DGKB: variants seen among roughly 807,000 people sequenced by gnomAD.
DGKB encodes the protein diacylglycerol kinase beta.
DGKB carries 67 observed loss-of-function variants against 114.3 expected under a neutral mutation model. The observed-to-expected ratio is 0.59, with a 90% CI of 0.48 to 0.72. The LOEUF is 0.72. DGKB is among the 30% of genes least tolerant of loss of function. The pLI is 0.00. For missense variants in DGKB, 907 were observed against 975.2 expected (o/e 0.93, Z 0.93); for synonymous variants, 398 against 323.1 (o/e 1.23, Z -2.49).
intron 21 of DGKB, among the ~76,000 whole-genome samples, chr7:14,412,775 A>C (rs1353070126): frequency 6.6e-6 from 1 of 152,094 alleles, no homozygotes; most frequent in Non-Finnish European, 1.5e-5. Flanking sequence ...TGAGGTCAGG[A>C]GTTCGAGACC....
chr7:14,271,417 C>A (rs1234284531), intron 23 of DGKB, among the ~76,000 whole-genome samples: 2 of 152,130 alleles, frequency 1.3e-5, no homozygotes, highest in African/African-American at 4.8e-5. Context: ...TGAGCCTGAG[C>A]CAATTAGTCA....
At chr7:14,812,072 T>C (rs1843518219) in intron 2 of DGKB, among the ~76,000 whole-genome samples, 1 of 152,168 alleles carries the variant, frequency 6.6e-6, no homozygotes, top group South Asian at 2.1e-4. Context: ...TTGTTTCACT[T>C]AGCATAAGGT....
At chr7:14,701,399 C>A (rs1825145438) in intron 7 of DGKB, among the ~76,000 whole-genome samples, 1 of 152,172 alleles carries the variant, frequency 6.6e-6, no homozygotes, top group Non-Finnish European at 1.5e-5. Context: ...TTTATTCAGA[C>A]AAGGCTGGTG....
At chr7:14,788,063 T>A (rs979152831) in intron 2 of DGKB, among the ~76,000 whole-genome samples, 2 of 152,182 alleles carry the variant, frequency 1.3e-5, no homozygotes, top group African/African-American at 4.8e-5. Flanking sequence ...AGCATCCCAT[T>A]GAGTAACAAG....
chr7:14,327,654 T>G (rs904029760), intron 23 of DGKB, among the ~76,000 whole-genome samples: 2 of 152,112 alleles, frequency 1.3e-5, no homozygotes, highest in African/African-American at 2.4e-5. Context: ...AGCATTTTCC[T>G]ACTTTTAGAC....
At chr7:14,820,388 C>T (rs189487884) in intron 2 of DGKB, among the ~76,000 whole-genome samples, 81 of 152,142 alleles carry the variant, frequency 5.3e-4, no homozygotes, top group Non-Finnish European at 5.9e-4. Flanking sequence ...ATTGTTTAAA[C>T]GCTATAGTAT....
intron 22 of DGKB, among the ~76,000 whole-genome samples, chr7:14,342,294 A>G (rs2217570): frequency 5.3e-5 from 8 of 151,874 alleles, no homozygotes; most frequent in African/African-American, 1.7e-4. Context: ...TGAAATATCT[A>G]TAGAATAGGC....
chr7:14,428,531 C>G (rs1304901341), intron 21 of DGKB, among the ~76,000 whole-genome samples: 1 of 152,136 alleles, frequency 6.6e-6, no homozygotes, highest in East Asian at 1.9e-4. Context: ...TTTTCTCAGC[C>G]TGCTCCTTCC....
chr7:14,814,978 A>G (rs1350327091), intron 2 of DGKB, among the ~76,000 whole-genome samples: 2 of 152,146 alleles, frequency 1.3e-5, no homozygotes, highest in Non-Finnish European at 2.9e-5. Flanking sequence ...TCTAACCTCC[A>G]TATTTCTTCT....
intron 1 of DGKB, among the ~76,000 whole-genome samples, chr7:14,967,021 C>T (rs1249665863): frequency 6.6e-6 from 1 of 152,052 alleles, no homozygotes; most frequent in East Asian, 1.9e-4. Context: ...ATAATGCAAA[C>T]CTTTGCAATA....
At chr7:14,578,587 G>A (rs528481537) in intron 19 of DGKB, among the ~76,000 whole-genome samples, 1 of 152,272 alleles carries the variant, frequency 6.6e-6, no homozygotes, top group Non-Finnish European at 1.5e-5. Flanking sequence ...CCACTGGTAA[G>A]TACAATTAAG....
intron 1 of DGKB, among the ~76,000 whole-genome samples, chr7:14,858,452 T>A (rs1222805649): frequency 6.6e-6 from 1 of 152,052 alleles, no homozygotes; most frequent in East Asian, 1.9e-4. Context: ...CAGAAAAATA[T>A]GAATATATGA....
In DGKB at chr7:14,418,292, T is replaced by C. The variant is rs1373978481; in HGVS notation, c.1835+59869A>G. 8.4e-5 allele frequency among the ~76,000 whole-genome samples: 10 copies of C among 118,714 alleles called. No homozygotes were observed. The East Asian group carries it at 1.5e-3, about 17-fold the overall frequency. The allele number at this position is 118,714 out of a possible 152,430, so 77.9% of individuals were successfully genotyped here. A position where few individuals can be genotyped will look rare whatever the true frequency, so the allele number is the denominator to read the frequency against. ...TATATATTTTATATATGTGTGTATA[T>C]ATACATATATGTATGTATATATGTA... On this transcript the variant is annotated intron_variant, in intron 21 of 25. Coordinates refer to ENST00000402815, the MANE Select transcript of DGKB (RefSeq NM_001350709.2).
At chr7:14,653,046 C>T (rs1446906123) in intron 13 of DGKB, among the ~76,000 whole-genome samples, 1 of 151,168 alleles carries the variant, frequency 6.6e-6, no homozygotes, top group East Asian at 1.9e-4. Flanking sequence ...AACACTTTTA[C>T]ACTGTTGGTG....
At chr7:14,180,043 T>C (rs1782401856) in intron 23 of DGKB, among the ~76,000 whole-genome samples, 1 of 152,160 alleles carries the variant, frequency 6.6e-6, no homozygotes, top group African/African-American at 2.4e-5. Context: ...CTTAGATATA[T>C]GTCAACCAGA....
intron 1 of DGKB, among the ~76,000 whole-genome samples, chr7:14,841,707 T>C (rs1031589285): frequency 6.6e-6 from 1 of 152,164 alleles, no homozygotes; most frequent in Non-Finnish European, 1.5e-5. Context: ...ACATTACATA[T>C]AAAATCTAGA....
chr7:14,849,308 T>C (rs1181382312), intron 1 of DGKB, among the ~76,000 whole-genome samples: 2 of 147,996 alleles, frequency 1.4e-5, no homozygotes, highest in Non-Finnish European at 3.0e-5. Flanking sequence ...ATTTGAATAT[T>C]TGTCCCCCTC....
At chr7:14,297,943 C>G (rs1445377075) in intron 23 of DGKB, among the ~76,000 whole-genome samples, 2 of 152,140 alleles carry the variant, frequency 1.3e-5, no homozygotes, top group Non-Finnish European at 2.9e-5. Flanking sequence ...CATGAGTTAA[C>G]TCCCATTCAC....
intron 23 of DGKB, among the ~76,000 whole-genome samples, chr7:14,237,064 T>G (rs1007167415): frequency 6.6e-6 from 1 of 151,970 alleles, no homozygotes; most frequent in African/African-American, 2.4e-5. Context: ...ATTTGTGCTC[T>G]TCCTGTAAAT....
Sources: gnomAD v4.1 joint callset for allele counts (sites outside exome capture counted in the v4.1 genomes callset) on GRCh38, gnomAD v4.1.1 for gene constraint, MANE v1.5 for transcripts, NCBI Gene and HGNC (gene_info 2026-07-23, HGNC 2026-07-21) for gene names.